Variants in MALRD1 observed in about 807,000 individuals in gnomAD.
MALRD1 encodes the protein MAM and LDL receptor class A domain containing 1, also known as MAM and LDL-receptor class A domain-containing protein 1.
MALRD1 carries 247 observed loss-of-function variants against 242.1 expected under a neutral mutation model. The observed-to-expected ratio is 1.02, with a 90% CI of 0.92 to 1.13. The LOEUF (loss-of-function observed/expected upper bound fraction) is 1.13. MALRD1 is among the 50% of genes most tolerant of loss of function. The probability of loss-of-function intolerance (pLI) is 0.00; values close to 1 mark genes in which losing one functional copy is unlikely to be tolerated. For missense variants in MALRD1, 2,989 were observed against 2,533.1 expected, an observed-to-expected ratio of 1.18 and a Z score of -3.86; for synonymous variants, 995 against 866.6, an observed-to-expected ratio of 1.15 and a Z score of -2.60.
At chr10:19,508,315 A>C (rs1589170890) in intron 31 of MALRD1, among the ~76,000 whole-genome samples, 2 of 152,310 alleles carry the variant, frequency 1.3e-5, no homozygotes, top group South Asian at 4.1e-4. Context: ...GACACTTATT[A>C]AATGTTTCCT....
intron 30 of MALRD1, among the ~76,000 whole-genome samples, chr10:19,497,504 G>C (rs1837776246): frequency 6.6e-6 from 1 of 151,834 alleles, no homozygotes; most frequent in African/African-American, 2.4e-5. Flanking sequence ...AATAATCTCA[G>C]GGATCCAGAA....
At chr10:19,730,861 G>C in intron 39 of MALRD1, 80 bp downstream of exon 39, 1 of 1,272,146 alleles carries the variant, frequency 7.9e-7, no homozygotes, top group Non-Finnish European at 1.1e-6. Flanking sequence ...GGCTGAACCA[G>C]TGTTGCTTGA....
Position 19,364,665 on chromosome 10 carries a change from A to G in MALRD1, c.4441+12368A>G, listed in dbSNP as rs941490193. 2.6e-5 allele frequency among the ~76,000 whole-genome samples: 4 copies of G among 152,148 alleles called. No individual in the cohort carries two copies. In the East Asian group the frequency reaches 5.8e-4, roughly 22 times the overall value. ...TGAATAGTTGAGTGTAAGTGAAACA[A>G]CACATTACATTTCTCTTGGAAGAAA... On this transcript the variant is annotated intron_variant, in intron 26 of 39. Transcript: ENST00000454679.
intron 18 of MALRD1, among the ~76,000 whole-genome samples, chr10:19,225,369 C>G (rs1378126392): frequency 6.6e-6 from 1 of 152,148 alleles, no homozygotes; most frequent in African/African-American, 2.4e-5. Context: ...TGTGATACAT[C>G]AAAACCTCTG....
intron 18 of MALRD1, among the ~76,000 whole-genome samples, chr10:19,225,861 A>C (rs1440053221): frequency 1.3e-5 from 2 of 152,162 alleles, no homozygotes; most frequent in Non-Finnish European, 2.9e-5. Flanking sequence ...TGGCTTTCTG[A>C]TATTTCATGT....
intron 26 of MALRD1, among the ~76,000 whole-genome samples, chr10:19,365,875 C>G (rs1313225971): frequency 6.6e-6 from 1 of 152,006 alleles, no homozygotes; most frequent in African/African-American, 2.4e-5. Flanking sequence ...CTTTCCTGTT[C>G]TCCTTCCCGG....
intron 13 of MALRD1, among the ~76,000 whole-genome samples, chr10:19,172,194 CACAT>C (rs1835043581): frequency 7.5e-6 from 1 of 132,502 alleles, no homozygotes; most frequent in African/African-American, 2.6e-5. Flanking sequence ...TACATATATA[CACAT>C]ATATATATGT....
intron 38 of MALRD1, among the ~76,000 whole-genome samples, chr10:19,724,301 CCCATTTA>C (rs1231660309): frequency 2.0e-5 from 3 of 152,042 alleles, no homozygotes; most frequent in African/African-American, 7.2e-5. Context: ...AATTAAATCA[CCCATTTA>C]TCACCAAAAA....
At chr10:19,125,409 G>GCTTC (rs1380642338) in intron 7 of MALRD1, among the ~76,000 whole-genome samples, 27 of 112,088 alleles carry the variant, frequency 2.4e-4, no homozygotes, top group Middle Eastern at 6.3e-3. Context: ...TTCCATCCAT[G>GCTTC]CTTCCTTCCT....
At chr10:19,123,301 G>GTGTC (rs1277312733) in intron 5 of MALRD1, among the ~76,000 whole-genome samples, 191 bp from the exon 6 acceptor site, 2,425 of 128,994 alleles carry the variant, frequency 0.019, 58 homozygotes, top group African/African-American at 0.069. Context: ...TTTGAGTGGT[G>GTGTC]TGTATGTGTG....
At chr10:19,166,176 G>A (rs755210325) in intron 13 of MALRD1, among the ~76,000 whole-genome samples, 11 of 152,220 alleles carry the variant, frequency 7.2e-5, no homozygotes, top group Non-Finnish European at 1.2e-4. Flanking sequence ...TCTAAGTGAA[G>A]ACGTTGGATT....
intron 21 of MALRD1, among the ~76,000 whole-genome samples, chr10:19,289,481 A>G (rs1411244439): frequency 6.6e-6 from 1 of 152,200 alleles, no homozygotes; most frequent in African/African-American, 2.4e-5. Flanking sequence ...TAACTTTTAA[A>G]TCGGAATGCT....
chr10:19,572,859 G>C (rs918559036), intron 33 of MALRD1, among the ~76,000 whole-genome samples: 6 of 152,050 alleles, frequency 3.9e-5, no homozygotes, highest in Non-Finnish European at 8.8e-5. Flanking sequence ...TAAGAGAAAG[G>C]AGTGGAGCAG....
At chr10:19,589,570 C>T (rs1302526708) in intron 33 of MALRD1, among the ~76,000 whole-genome samples, 1 of 152,130 alleles carries the variant, frequency 6.6e-6, no homozygotes, top group Non-Finnish European at 1.5e-5. Flanking sequence ...TTCTTCTCAC[C>T]CCAGCATTAG....
intron 36 of MALRD1, among the ~76,000 whole-genome samples, chr10:19,669,608 G>A (rs933506537): frequency 6.6e-6 from 1 of 152,172 alleles, no homozygotes; most frequent in South Asian, 2.1e-4. Context: ...GTGTTGAGAA[G>A]TTGTTGGAGA....
At chr10:19,447,612 C>T (rs1454163600) in intron 28 of MALRD1, among the ~76,000 whole-genome samples, 1 of 152,020 alleles carries the variant, frequency 6.6e-6, no homozygotes, top group Non-Finnish European at 1.5e-5. Flanking sequence ...TTTGCCATAC[C>T]TAATGAGTGG....
At chr10:19,114,188 C>A (rs920966750) in intron 5 of MALRD1, among the ~76,000 whole-genome samples, 1 of 152,004 alleles carries the variant, frequency 6.6e-6, no homozygotes, top group Admixed American at 6.6e-5. Flanking sequence ...GAAGCTAAGT[C>A]CTCAAACTAT....
At chr10:19,218,198 C>G (rs1307946348) in intron 18 of MALRD1, among the ~76,000 whole-genome samples, 1 of 151,928 alleles carries the variant, frequency 6.6e-6, no homozygotes, top group Admixed American at 6.6e-5. Flanking sequence ...TATTAATTTT[C>G]TCTGTTTTGG....
At chr10:19,171,658 C>CACACACA (rs1834962583) in intron 13 of MALRD1, among the ~76,000 whole-genome samples, 1 of 139,356 alleles carries the variant, frequency 7.2e-6, no homozygotes, top group African/African-American at 2.7e-5. Context: ...ATATATATGT[C>CACACACA]TATGTGTGTA....
Sources: allele counts gnomAD v4.1 joint callset (sites outside exome capture counted in the v4.1 genomes callset), GRCh38; gene constraint gnomAD v4.1.1; transcripts MANE v1.5; gene names NCBI Gene and HGNC (gene_info 2026-07-23, HGNC 2026-07-21).